The following FADS6 variants were observed in gnomAD, a reference collection of about 807,000 sequenced individuals.
The protein encoded by FADS6 is fatty acid desaturase domain family, member 6.
A neutral mutation model predicts 31.7 loss-of-function variants in FADS6; 28 were observed. The ratio of observed to expected loss-of-function variants is 0.88; its 90% CI spans 0.66 to 1.21. FADS6 has a LOEUF of 1.21. Among genes scored for constraint, FADS6 ranks in the 50% most tolerant of loss-of-function variants. The pLI, the probability that FADS6 is intolerant of heterozygous loss-of-function variation, is 0.00. For missense variants in FADS6, 494 were observed against 504.2 expected (o/e 0.98, Z 0.19); for synonymous variants, 191 against 213.1 (o/e 0.90, Z 0.90).
chr17:74,893,374 G>C lies in FADS6; in HGVS notation c.222C>G (p.Leu74=). 6.5e-7 allele frequency: 1 copy of C among 1,529,568 alleles called. No homozygotes were observed. Among genetic ancestry groups the C allele is most frequent in the Non-Finnish European group, 8.8e-7 (1 of 1,141,200 alleles). 94.7% of individuals were successfully genotyped at this position (1,529,568 alleles called of 1,614,324 possible). A position where few individuals can be genotyped will look rare whatever the true frequency, so the allele number is the denominator to read the frequency against. The change falls in exon 1 of 6, where the codon CTC becomes CTG. Residue 74 remains leucine (L), a synonymous_variant. Transcript: ENST00000612771. ...CACCTGCCGGCAAGGCGAAGAGGCT[G>C]AGCGCGAGGATGGCGCAGTCCACGC... ...RHGVDCAILA[L]SLFALPAGFL... is the part of the protein sequence containing the mutation.
Position 74,893,459 on chromosome 17 carries a change from C to T in FADS6, c.137G>A (p.Arg46Gln), listed in dbSNP as rs755346481. Residue 46 changes from arginine to glutamine, a missense_variant, in exon 1 of 6, where the codon CGG becomes CAG. Coordinates refer to ENST00000612771, the MANE Select transcript of FADS6 (RefSeq NM_178128.6). Reference protein sequence around the residue: ...SAHRGGEALLRELEVLVQDVV... With the variant: ...SAHRGGEALLQELEVLVQDVV... ...GTCCTGCACCAGCACCTCCAGCTCC[C>T]GCAGCAGCGCCTCGCCCCCACGGTG... The T allele has an allele frequency of 9.4e-6, 15 of 1,592,482 alleles. No individual in the cohort carries two copies. In the Admixed American group the frequency reaches 1.2e-4, roughly 13 times the overall value.
chr17:74,876,419 A>G (rs542107701), downstream of FADS6, among the ~76,000 whole-genome samples: 72 of 152,236 alleles, frequency 4.7e-4, 1 homozygote, highest in Middle Eastern at 6.8e-3. Context: ...AGCTCCCAGC[A>G]TCTAGTAGGT....
intron 2 of FADS6, among the ~76,000 whole-genome samples, chr17:74,887,417 A>G (rs1425297821): frequency 6.6e-6 from 1 of 152,132 alleles, no homozygotes; most frequent in Non-Finnish European, 1.5e-5. Flanking sequence ...GACACTGTCC[A>G]ATGTCCCTGC....
At chr17:74,889,570 CAAA>C (rs554672201) in intron 2 of FADS6, among the ~76,000 whole-genome samples, 2 of 132,840 alleles carry the variant, frequency 1.5e-5, no homozygotes, top group Non-Finnish European at 1.6e-5. Context: ...ACAAACAAAC[CAAA>C]AAAAAAAAAA....
At chr17:74,875,824 T>G (rs1252728106), downstream of FADS6, among the ~76,000 whole-genome samples, 3 of 152,194 alleles carry the variant, frequency 2.0e-5, no homozygotes, top group Non-Finnish European at 4.4e-5. Context: ...CCAAGAGGGC[T>G]GCCTGGATCC....
chr17:74,882,974 G>T, intron 2 of FADS6: 1 of 802,016 alleles, frequency 1.2e-6, no homozygotes, highest in Non-Finnish European at 1.9e-6. Flanking sequence ...CCCCTGGAGT[G>T]CCAATCTGCC....
chr17:74,880,947 G>C, intron 4 of FADS6, 121 bp downstream of exon 4: 4 of 1,026,068 alleles, frequency 3.9e-6, no homozygotes, highest in Non-Finnish European at 5.6e-6. Context: ...GAGAGCGAGA[G>C]GGAGGATGCC....
Position 74,883,310 on chromosome 17 carries a change from G to A in FADS6, c.412-600C>T, listed in dbSNP as rs2038593067. Among the ~76,000 whole-genome samples, 3 of 152,338 alleles carry A rather than the reference G, an allele frequency of 2.0e-5. No individual in the cohort carries two copies. The Middle Eastern group carries it at 0.01, about 518-fold the overall frequency. On this transcript the variant is annotated intron_variant, in intron 2 of 5. Transcript: ENST00000612771. ...AGCCGCTCTGAGCAGCAGCACGTGC[G>A]CTCTGACTCCTAGGAGAGTAGTCAG...
chr17:74,890,032 A>C (rs887254511), intron 2 of FADS6, among the ~76,000 whole-genome samples: 4 of 152,124 alleles, frequency 2.6e-5, no homozygotes, highest in Non-Finnish European at 4.4e-5. Context: ...TTTTATCCAC[A>C]TGCTGGCCTC....
chr17:74,883,387 TG>T (rs1161479283), intron 2 of FADS6, among the ~76,000 whole-genome samples: 2 of 152,282 alleles, frequency 1.3e-5, no homozygotes, highest in Non-Finnish European at 1.5e-5. Context: ...TACATGCAAA[TG>T]GTATGCAGAT....
intron 4 of FADS6, among the ~76,000 whole-genome samples, chr17:74,879,951 G>A (rs369594091): frequency 8.5e-5 from 13 of 152,198 alleles, no homozygotes; most frequent in African/African-American, 3.1e-4. Context: ...CATCATTCAA[G>A]GTCAAGTTTA....
rs544587025 is a variant in FADS6, at chr17:74,888,217, C to T, written c.411+4306G>A. On this transcript the variant is annotated intron_variant, in intron 2 of 5. Coordinates refer to ENST00000612771, the MANE Select transcript of FADS6 (RefSeq NM_178128.6). ...TCCTTGGTTTTGATATTGAATGACA[C>T]TTAGATAAATGTAACTATTGCGTGA... 1.6e-3 allele frequency among the ~76,000 whole-genome samples: 236 copies of T among 151,054 alleles called. 2 individuals carry two copies. The highest frequency in any genetic ancestry group is 5.6e-3 in the African/African-American group (230 of 41,292).
At chr17:74,875,893 G>A (rs531040106), downstream of FADS6, among the ~76,000 whole-genome samples, 30 of 152,334 alleles carry the variant, frequency 2.0e-4, no homozygotes, top group African/African-American at 6.7e-4. Context: ...CTCAAAAGGC[G>A]TGATTGAGGA....
At chr17:74,888,461 G>A (rs1309257925) in intron 2 of FADS6, among the ~76,000 whole-genome samples, 3 of 152,220 alleles carry the variant, frequency 2.0e-5, no homozygotes, top group Non-Finnish European at 4.4e-5. Flanking sequence ...CAGAGAGAAG[G>A]TTGGAGAGAC....
At chr17:74,880,715 A>T (rs1452392228) in intron 4 of FADS6, among the ~76,000 whole-genome samples, 1 of 152,098 alleles carries the variant, frequency 6.6e-6, no homozygotes, top group Non-Finnish European at 1.5e-5. Flanking sequence ...GGAGGGGACC[A>T]CTTACCACAA....
At position 74,879,439 on chromosome 17, in the gene FADS6, G is replaced by T; in HGVS notation, c.925C>A (p.Leu309Ile). ...ATGTTATCAGAGAGCCTGGGGAATA[G>T]ATGGTGTTCCACATGGCAGCTGATG... is the stretch of plus-strand genomic sequence containing the variant. Reference protein sequence around the residue: ...SIISCHVEHHLFPRLSDNMCL... With the variant: ...SIISCHVEHHIFPRLSDNMCL... Residue 309 changes from leucine to isoleucine, a missense_variant, in exon 5 of 6, where the codon CTA (leucine) becomes ATA (isoleucine). This residue lies in a region of FADS6 where 454 missense variants were observed against 438.5 expected (regional missense o/e 1.04). Transcript: ENST00000612771. 6.2e-7 allele frequency: 1 copy of T among 1,613,964 alleles called. No homozygotes were observed. The highest frequency in any genetic ancestry group is 8.5e-7 in the Non-Finnish European group (1 of 1,179,886).
chr17:74,884,596 C>T (rs553950681), intron 2 of FADS6, among the ~76,000 whole-genome samples: 2 of 152,236 alleles, frequency 1.3e-5, no homozygotes, highest in South Asian at 2.1e-4. Flanking sequence ...AGATCACAAT[C>T]GTGACAACCG....
chr17:74,893,453 A>C lies in FADS6; in HGVS notation c.143T>G (p.Leu48Arg). The C allele has an allele frequency of 6.3e-7, 1 of 1,591,080 alleles. No individual in the cohort carries two copies. The highest frequency in any genetic ancestry group is 8.5e-7 in the Non-Finnish European group (1 of 1,170,700). Reference sequence around the variant, plus strand: ...CACCACGTCCTGCACCAGCACCTCCAGCTCCCGCAGCAGCGCCTCGCCCCC... The same window carrying C: ...CACCACGTCCTGCACCAGCACCTCCCGCTCCCGCAGCAGCGCCTCGCCCCC... ...HRGGEALLRELEVLVQDVVRT... is the reference protein window; with the variant it reads ...HRGGEALLREREVLVQDVVRT... The change falls in exon 1 of 6, where the codon CTG becomes CGG. Residue 48 changes from leucine to arginine, a missense_variant. Physicochemically the swap from Leu to Arg is moderately radical, Grantham distance 102. Around this residue, in one of 2 missense-constraint regions of FADS6, gnomAD observed 454 missense variants for 438.5 expected, o/e 1.04. Transcript: ENST00000612771.
chr17:74,890,990 C>T (rs2038682628), intron 2 of FADS6, among the ~76,000 whole-genome samples: 1 of 152,148 alleles, frequency 6.6e-6, no homozygotes, highest in Non-Finnish European at 1.5e-5. Context: ...AGTTTGAGAA[C>T]CACTAGGTTA....
Sources: gnomAD v4.1 joint callset for allele counts (sites outside exome capture counted in the v4.1 genomes callset) on GRCh38, gnomAD v4.1.1 for gene constraint, gnomAD v4.1.1 regional missense constraint, MANE v1.5 for transcripts, NCBI Gene and HGNC (gene_info 2026-07-23, HGNC 2026-07-21) for gene names.